RHOBTB3: variants seen among roughly 807,000 people sequenced by gnomAD.
The protein encoded by RHOBTB3 is Rho related BTB domain containing 3, also known as rho-related BTB domain-containing protein 3.
Under a neutral mutation model 67.2 loss-of-function variants are expected in RHOBTB3, and 47 were observed. The ratio of observed to expected loss-of-function variants is 0.70; its 90% CI spans 0.55 to 0.89. The LOEUF is 0.89. RHOBTB3 is among the 40% of genes least tolerant of loss of function. RHOBTB3 has a pLI of 0.00. For missense variants in RHOBTB3, 631 were observed against 750.0 expected, an observed-to-expected ratio of 0.84 and a Z score of 1.85; for synonymous variants, 273 against 274.2, an observed-to-expected ratio of 1.00 and a Z score of 0.04.
At chr5:95,743,863 C>T (rs1561441921) in intron 3 of RHOBTB3, among the ~76,000 whole-genome samples, 1 of 151,892 alleles carries the variant, frequency 6.6e-6, no homozygotes, top group Admixed American at 6.6e-5. Flanking sequence ...TATGAACCAC[C>T]ATGCCTGGGT....
chr5:95,731,614 C>CG lies in RHOBTB3; in HGVS notation c.-64dup. 1 of 1,602,916 alleles carries CG rather than the reference C, an allele frequency of 6.2e-7. No homozygotes were observed. Among genetic ancestry groups the CG allele is most frequent in the Non-Finnish European group, 8.5e-7 (1 of 1,175,348 alleles). Reference sequence around the variant, plus strand: ...GCGGATTGCGGGTGAACTCGCCGCCCGGGGGCCCCGCGAAGCCGTGAGCCG... The same window carrying CG: ...GCGGATTGCGGGTGAACTCGCCGCCCGGGGGGCCCCGCGAAGCCGTGAGCCG... On this transcript the variant is annotated 5_prime_UTR_variant, in exon 1 of 12. The change abolishes the stop of an existing upstream ORF in the 5' untranslated region. Transcript: ENST00000379982.
intron 8 of RHOBTB3, among the ~76,000 whole-genome samples, chr5:95,768,557 T>C (rs920918130): frequency 6.6e-6 from 1 of 152,178 alleles, no homozygotes; most frequent in African/African-American, 2.4e-5. Flanking sequence ...GCTCTCTTCC[T>C]TTTTATTTGA....
At chr5:95,728,964 A>G (rs890800339), upstream of RHOBTB3, among the ~76,000 whole-genome samples, 3 of 152,244 alleles carry the variant, frequency 2.0e-5, no homozygotes, top group Non-Finnish European at 4.4e-5. Flanking sequence ...CAATGAGTCT[A>G]CAAATGTCAC....
At chr5:95,780,479 C>A in intron 9 of RHOBTB3, 54 bp downstream of exon 9, 1 of 1,512,138 alleles carries the variant, frequency 6.6e-7, no homozygotes, top group South Asian at 1.1e-5. Context: ...CCTTGCCACC[C>A]ATTTTGTTAA....
Position 95,731,460 on chromosome 5 carries a change from G to A in RHOBTB3, c.-223G>A, listed in dbSNP as rs535047917. 2.5e-6 allele frequency: 3 copies of A among 1,213,670 alleles called. No individual in the cohort carries two copies. Among genetic ancestry groups the A allele is most frequent in the East Asian group, 3.6e-5 (1 of 27,598 alleles). 75.2% of individuals were successfully genotyped at this position (1,213,670 alleles called of 1,614,324 possible). ...TGTTCCCGGGCACTCCCTGAGTAGCGGCAGCTTATCCCCCGCCCGCTAGCC... is the reference window on the plus strand; with the variant it reads ...TGTTCCCGGGCACTCCCTGAGTAGCAGCAGCTTATCCCCCGCCCGCTAGCC... On this transcript the variant is annotated 5_prime_UTR_variant, in exon 1 of 12. Transcript: ENST00000379982.
upstream of RHOBTB3, among the ~76,000 whole-genome samples, chr5:95,730,365 T>C (rs527930146): frequency 3.3e-5 from 5 of 152,362 alleles, no homozygotes; most frequent in African/African-American, 1.2e-4. Context: ...AGAATTTTAA[T>C]ACTGTATGGA....
At chr5:95,756,454 T>C (rs772134127) in intron 6 of RHOBTB3, among the ~76,000 whole-genome samples, 1 of 152,232 alleles carries the variant, frequency 6.6e-6, no homozygotes, top group Non-Finnish European at 1.5e-5. Flanking sequence ...TTGTGAGTAA[T>C]GCTGCTGTGA....
In RHOBTB3 at chr5:95,790,513, C is replaced by A. The variant is rs1440258843; in HGVS notation, c.1720+1655C>A. On this transcript the variant is annotated intron_variant, in intron 11 of 11. Coordinates refer to ENST00000379982, the MANE Select transcript of RHOBTB3 (RefSeq NM_014899.4). ...ATAAATCCTTTTAGTTATGAATTTT[C>A]ATTATATGGTATTACCCAATTACCT... Among the ~76,000 whole-genome samples the A allele has an allele frequency of 2.6e-5, 4 of 152,144 alleles. No homozygotes were observed. The East Asian group carries it at 7.7e-4, about 29-fold the overall frequency.
chr5:95,731,918 C>T lies in RHOBTB3; in HGVS notation c.62C>T (p.Pro21Leu), dbSNP rs2302980. 3.1e-6 allele frequency: 5 copies of T among 1,614,106 alleles called. No individual in the cohort carries two copies. The highest frequency in any genetic ancestry group is 3.3e-5 in the Admixed American group (2 of 60,028). ...GACACATTCCACCAGGACAACCGGC[C>T]GTCGGGGCTTATCCGCACTTACCTG... ...EGDTFHQDNR[P>L]SGLIRTYLGR... The change falls in exon 2 of 12, where the codon CCG becomes CTG. Residue 21 changes from proline to leucine, a missense_variant. Pro to Leu is a moderately conservative substitution (Grantham distance 98, BLOSUM62 -3). Transcript: ENST00000379982.
intron 6 of RHOBTB3, among the ~76,000 whole-genome samples, chr5:95,761,100 T>C (rs1745380523): frequency 6.6e-6 from 1 of 152,216 alleles, no homozygotes; most frequent in South Asian, 2.1e-4. Context: ...TGATGCTTGC[T>C]TGCTTTTAGA....
At chr5:95,753,155 G>T (rs1276329059) in intron 5 of RHOBTB3, among the ~76,000 whole-genome samples, 1 of 151,618 alleles carries the variant, frequency 6.6e-6, no homozygotes, top group African/African-American at 2.4e-5. Context: ...AAAAGAAAGT[G>T]TTTTAGAGCC....
chr5:95,783,670 C>T (rs1172314173), intron 9 of RHOBTB3, 127 bp from the exon 10 acceptor site: 1 of 601,734 alleles, frequency 1.7e-6, no homozygotes, highest in Non-Finnish European at 2.7e-6. Flanking sequence ...CCTAACCATT[C>T]TATTCTATGG....
chr5:95,776,488 G>A (rs544191355), intron 8 of RHOBTB3, among the ~76,000 whole-genome samples: 2 of 151,852 alleles, frequency 1.3e-5, no homozygotes, highest in South Asian at 2.1e-4. Context: ...ATTATTTCAC[G>A]CAATAATAAT....
intron 8 of RHOBTB3, among the ~76,000 whole-genome samples, chr5:95,771,537 T>G (rs1231005717): frequency 6.6e-6 from 1 of 152,180 alleles, no homozygotes; most frequent in Non-Finnish European, 1.5e-5. Context: ...GGAAAAAAGC[T>G]AACAAGAGGA....
chr5:95,768,913 G>T (rs952739211), intron 8 of RHOBTB3: 4 of 166,272 alleles, frequency 2.4e-5, no homozygotes, highest in East Asian at 1.8e-4. Context: ...AGGGGACGTG[G>T]CTCATCGCCA....
At chr5:95,769,774 G>C (rs1216764367) in intron 8 of RHOBTB3, 3 of 189,510 alleles carry the variant, frequency 1.6e-5, no homozygotes, top group African/African-American at 2.4e-5. Flanking sequence ...GTTCTGTTGA[G>C]TGAAACAGAA....
intron 10 of RHOBTB3, among the ~76,000 whole-genome samples, chr5:95,785,492 G>A (rs1296942918): frequency 6.6e-6 from 1 of 151,862 alleles, no homozygotes; most frequent in African/African-American, 2.4e-5. Flanking sequence ...TACTTGGGAG[G>A]CTGAGGCAGG....
chr5:95,795,906 T>G lies in RHOBTB3; in HGVS notation c.*2732T>G, dbSNP rs1049673376. ...TCCCAGTCATTTTAATTAGAGAAGA[T>G]ACTCTATGGTAGAACTAAGGCCTTT... On this transcript the variant is annotated 3_prime_UTR_variant, in exon 12 of 12. Coordinates refer to ENST00000379982, the MANE Select transcript of RHOBTB3 (RefSeq NM_014899.4). 6.6e-6 allele frequency: 1 copy of G among 152,130 alleles called. No individual in the cohort carries two copies. The highest frequency in any genetic ancestry group is 1.5e-5 in the Non-Finnish European group (1 of 68,042). The allele number at this position is 152,130 out of a possible 1,614,324, so 9.4% of individuals were successfully genotyped here. A position where few individuals can be genotyped will look rare whatever the true frequency, so the allele number is the denominator to read the frequency against.
upstream of RHOBTB3, among the ~76,000 whole-genome samples, chr5:95,727,656 T>C (rs1407458099): frequency 6.6e-6 from 1 of 152,184 alleles, no homozygotes. Context: ...ATTTTTTAAA[T>C]GTGCTGATGA....
Sources: allele counts gnomAD v4.1 joint callset (sites outside exome capture counted in the v4.1 genomes callset), GRCh38; gene constraint gnomAD v4.1.1; transcripts MANE v1.5; gene names NCBI Gene and HGNC (gene_info 2026-07-23, HGNC 2026-07-21).